CACNA1E: variants seen among roughly 807,000 people sequenced by gnomAD.
CACNA1E encodes voltage-dependent R-type calcium channel subunit alpha-1E.
A neutral mutation model predicts 259.2 loss-of-function variants in CACNA1E; 40 were observed. The ratio of observed to expected loss-of-function variants is 0.15; its 90% confidence interval spans 0.12 to 0.20. CACNA1E has a LOEUF of 0.20. Ranked by LOEUF, CACNA1E falls within the 10% of genes least tolerant of loss-of-function variation. The pLI, the probability that CACNA1E is intolerant of heterozygous loss-of-function variation, is 1.00. For synonymous variants in CACNA1E, 1,104 were observed against 1,138.5 expected, an observed-to-expected ratio of 0.97 and a Z score of 0.61; for missense variants, 1,874 against 3,040.1, an observed-to-expected ratio of 0.62 and a Z score of 9.02.
chr1:181,466,899 C>T (rs1041585997), intron 2 of CACNA1E, among the ~76,000 whole-genome samples: 3 of 152,140 alleles, frequency 2.0e-5, no homozygotes, highest in Non-Finnish European at 4.4e-5. Flanking sequence ...AAAATAGTCC[C>T]TGGGAAATAC....
chr1:181,395,495 G>T (rs1656608539), intron 1 of CACNA1E, among the ~76,000 whole-genome samples: 1 of 152,196 alleles, frequency 6.6e-6, no homozygotes, highest in African/African-American at 2.4e-5. Context: ...AACATATATG[G>T]TAATTCAAAT....
intron 18 of CACNA1E, among the ~76,000 whole-genome samples, chr1:181,729,550 C>A (rs1332464116): frequency 6.6e-6 from 1 of 152,200 alleles, no homozygotes; most frequent in Non-Finnish European, 1.5e-5. Flanking sequence ...AGAGAGAAAA[C>A]CACTCCGATC....
intron 2 of CACNA1E, among the ~76,000 whole-genome samples, chr1:181,421,628 T>A (rs1658752087): frequency 6.6e-6 from 1 of 152,182 alleles, no homozygotes; most frequent in Non-Finnish European, 1.5e-5. Context: ...TTTCCTTATC[T>A]CAGTAAATGG....
chr1:181,334,156 A>G (rs1651502585), intron 1 of CACNA1E, among the ~76,000 whole-genome samples: 1 of 152,158 alleles, frequency 6.6e-6, no homozygotes, highest in Non-Finnish European at 1.5e-5. Flanking sequence ...ATCTTGAGAT[A>G]CTTGACCTAA....
At chr1:181,666,377 A>G (rs1302122743) in intron 7 of CACNA1E, among the ~76,000 whole-genome samples, 1 of 152,136 alleles carries the variant, frequency 6.6e-6, no homozygotes, top group Non-Finnish European at 1.5e-5. Flanking sequence ...CTGCCCTCAT[A>G]AAAGTTGCTT....
At chr1:181,589,792 G>A (rs1488806999) in intron 6 of CACNA1E, among the ~76,000 whole-genome samples, 1 of 152,206 alleles carries the variant, frequency 6.6e-6, no homozygotes, top group Non-Finnish European at 1.5e-5. Context: ...GTGAACTCAA[G>A]GGGAGCCCAT....
At position 181,796,720 on chromosome 1, in the gene CACNA1E, A is replaced by G. The variant is rs374511250; in HGVS notation, c.6261A>G (p.Lys2087=). The G allele has an allele frequency of 1.2e-6, 2 of 1,612,476 alleles. No individual in the cohort carries two copies. Among genetic ancestry groups the G allele is most frequent in the African/African-American group, 1.3e-5 (1 of 74,924 alleles). Residue 2087 remains lysine, a synonymous_variant, in exon 47 of 48, where the codon AAA becomes AAG. Transcript: ENST00000367573. ...GGGGCAGGGAGCGGGGACGATCAAA[A>G]GAGCGAAAGCATCTTCTCTCTCCTG... The part of the protein sequence containing the change: ...RSGGRERGRS[K]ERKHLLSPDV...
chr1:181,346,977 A>G (rs1298838784), intron 1 of CACNA1E, among the ~76,000 whole-genome samples: 1 of 152,216 alleles, frequency 6.6e-6, no homozygotes, highest in Non-Finnish European at 1.5e-5. Context: ...GAGCAGAGCC[A>G]GGCACCTAGT....
intron 2 of CACNA1E, among the ~76,000 whole-genome samples, chr1:181,466,547 T>TAAATA (rs68115527): frequency 6.6e-6 from 1 of 151,086 alleles, no homozygotes. Flanking sequence ...GACTCTGTCT[T>TAAATA]AAACAAAACA....
At chr1:181,589,331 T>C (rs965723091) in intron 6 of CACNA1E, among the ~76,000 whole-genome samples, 2 of 152,236 alleles carry the variant, frequency 1.3e-5, no homozygotes, top group Non-Finnish European at 2.9e-5. Flanking sequence ...TATGTGAATT[T>C]CCATGAGGTC....
At position 181,796,846 on chromosome 1, in the gene CACNA1E, G is replaced by A. The variant is rs1469262123; in HGVS notation, c.6387G>A (p.Thr2129=). The change falls in exon 47 of 48, where the codon ACG becomes ACA. Residue 2129 remains threonine (T), a synonymous_variant. Coordinates refer to ENST00000367573, the MANE Select transcript of CACNA1E (RefSeq NM_001205293.3). The part of the protein sequence containing the change: ...SRSPSEGRSQ[T]PNRQGTGSLS... ...CACCCAGTGAGGGCAGGTCACAGAC[G>A]CCCAACAGACAGGTGAGCGCAGAGA... The A allele has an allele frequency of 8.8e-6, 14 of 1,597,738 alleles. No individual in the cohort carries two copies. The highest frequency in any genetic ancestry group is 6.8e-5 in the East Asian group (3 of 44,222).
intron 12 of CACNA1E, among the ~76,000 whole-genome samples, chr1:181,719,507 G>A (rs927859380): frequency 1.3e-5 from 2 of 152,192 alleles, no homozygotes; most frequent in Non-Finnish European, 1.5e-5. Context: ...TTTTCACCAA[G>A]GACAGGAGTC....
At chr1:181,412,270 C>T (rs1657907206) in intron 1 of CACNA1E, among the ~76,000 whole-genome samples, 1 of 152,196 alleles carries the variant, frequency 6.6e-6, no homozygotes, top group Non-Finnish European at 1.5e-5. Context: ...GGACCCAGTT[C>T]TCAAGAAGAG....
intron 1 of CACNA1E, among the ~76,000 whole-genome samples, chr1:181,492,699 A>G (rs1490129864): frequency 6.6e-6 from 1 of 152,170 alleles, no homozygotes; most frequent in Non-Finnish European, 1.5e-5. Context: ...AAGATTTCCA[A>G]GAGAGCTTTC....
At chr1:181,720,389 C>T in intron 14 of CACNA1E, 52 bp downstream of exon 14, 1 of 1,576,488 alleles carries the variant, frequency 6.3e-7, no homozygotes, top group South Asian at 1.1e-5. Flanking sequence ...CCAGTCGTAG[C>T]CTGTGTTGGG....
intron 2 of CACNA1E, among the ~76,000 whole-genome samples, chr1:181,439,972 G>A (rs186846785): frequency 6.6e-6 from 1 of 152,302 alleles, no homozygotes; most frequent in African/African-American, 2.4e-5. Context: ...GTGGTAAACA[G>A]AGCGTGGTAT....
chr1:181,489,632 G>C (rs1664143034), intron 1 of CACNA1E, among the ~76,000 whole-genome samples: 1 of 152,164 alleles, frequency 6.6e-6, no homozygotes, highest in African/African-American at 2.4e-5. Context: ...CAGAGACTGT[G>C]GTTAAGTGGA....
chr1:181,637,474 G>GCCTT (rs200762314), intron 6 of CACNA1E, among the ~76,000 whole-genome samples: 1,938 of 112,270 alleles, frequency 0.017, 46 homozygotes, highest in African/African-American at 0.063. Context: ...TTTCCTTCCT[G>GCCTT]CCTTCCTTCC....
chr1:181,506,774 A>T (rs1171114546), intron 1 of CACNA1E, among the ~76,000 whole-genome samples: 1 of 152,202 alleles, frequency 6.6e-6, no homozygotes, highest in South Asian at 2.1e-4. Flanking sequence ...TTCTTCAGAA[A>T]GGGAAGTGGA....
Sources: allele counts gnomAD v4.1 joint callset (sites outside exome capture counted in the v4.1 genomes callset), GRCh38; gene constraint gnomAD v4.1.1; transcripts MANE v1.5; gene names NCBI Gene and HGNC (gene_info 2026-07-23, HGNC 2026-07-21).